Variants in PCARE observed in about 807,000 individuals in gnomAD.
The protein encoded by PCARE is uncharacterized protein C2orf71.
A neutral mutation model predicts 82.2 loss-of-function variants in PCARE; 72 were observed. That is an observed-to-expected ratio of 0.88 (90% CI 0.72 to 1.07). PCARE has a LOEUF of 1.07. Among genes scored for constraint, PCARE ranks in the 50% least tolerant of loss-of-function variants. PCARE has a pLI of 0.00. For missense variants in PCARE, 1,768 were observed against 1,592.4 expected (o/e 1.11, Z -1.88); for synonymous variants, 705 against 634.8 (o/e 1.11, Z -1.66).
Position 29,071,524 on chromosome 2 carries a change from C to T in PCARE, c.2738G>A (p.Ser913Asn). 1 of 1,608,372 alleles carries T rather than the reference C, an allele frequency of 6.2e-7. No homozygotes were observed. The change falls in exon 1 of 2, where the codon AGC (serine) becomes AAC (asparagine). Residue 913 changes from serine to asparagine, a missense_variant. Ser to Asn is a conservative substitution (Grantham distance 46). Transcript: ENST00000331664. ...PHSTGPGSGRSSCQPRKPALD... is the reference protein window; with the variant it reads ...PHSTGPGSGRNSCQPRKPALD... ...GGCTGGCTTCCTGGGCTGGCAGCTG[C>T]TCCTGCCACTCCCTGGCCCTGTGCT...
rs1667362705 is a variant in PCARE, at chr2:29,064,560, G to A, written c.*309C>T. The A allele has an allele frequency of 3.8e-6, 2 of 530,014 alleles. No homozygotes were observed. Among genetic ancestry groups the A allele is most frequent in the Non-Finnish European group, 6.8e-6 (2 of 293,560 alleles). The allele number at this position is 530,014 out of a possible 1,614,324, so 32.8% of individuals were successfully genotyped here. ...ACCCAGTTAAAACCCTATCAAGCAT[G>A]CAACTATACATTCTCCACCCCCCAC... On this transcript the variant is annotated 3_prime_UTR_variant, in exon 2 of 2. Transcript: ENST00000331664.
Position 29,073,877 on chromosome 2 carries a change from A to C in PCARE, c.385T>G (p.Phe129Val), listed in dbSNP as rs201413296. ...CTTTCCTCACTCTCATCTCCAGAAA[A>C]GTCTGCCCCTTGTGATCCATGGGAA... ...QGSHGSQGAD[F>V]SGDESEESST... is the part of the protein sequence containing the mutation. The change falls in exon 1 of 2, where the codon TTT (phenylalanine) becomes GTT (valine). Residue 129 changes from phenylalanine to valine, a missense_variant. By Grantham distance (50) the Phe-to-Val change is conservative (BLOSUM62 -1). Transcript: ENST00000331664. 60 of 1,614,202 alleles carry C rather than the reference A, an allele frequency of 3.7e-5. No individual in the cohort carries two copies. The African/African-American group carries it at 7.9e-4, about 21-fold the overall frequency.
intron 1 of PCARE, among the ~76,000 whole-genome samples, chr2:29,065,389 G>A (rs1388998782): frequency 6.6e-6 from 1 of 152,202 alleles, no homozygotes; most frequent in Admixed American, 6.5e-5. Context: ...TTTTGTTTTT[G>A]TTTTTAAAGC....
At position 29,073,240 on chromosome 2, in the gene PCARE, T is replaced by C. The variant is rs770192865; in HGVS notation, c.1022A>G (p.Gln341Arg). The C allele has an allele frequency of 6.2e-7, 1 of 1,614,002 alleles. No homozygotes were observed. The highest frequency in any genetic ancestry group is 8.5e-7 in the Non-Finnish European group (1 of 1,179,924). The change falls in exon 1 of 2, where the codon CAG becomes CGG. Residue 341 changes from glutamine to arginine, a missense_variant. By Grantham distance (43) the Gln-to-Arg change is conservative (BLOSUM62 1). Transcript: ENST00000331664. ...GTCCTCAGAGCATAAGGGGAGACCC[T>C]GCACCCCAGGGTCGCCACAGCCACT... ...LASGCGDPGVQGLPLCSEDSG... is the reference protein window; with the variant it reads ...LASGCGDPGVRGLPLCSEDSG...
intron 1 of PCARE, 64 bp from the exon 2 acceptor site, chr2:29,065,131 C>T (rs1373542291): frequency 2.0e-6 from 3 of 1,504,398 alleles, no homozygotes; most frequent in East Asian, 4.9e-5. Flanking sequence ...CCTGCCCCAC[C>T]CCTGTCCTCC....
chr2:29,073,099 G>C lies in PCARE; in HGVS notation c.1163C>G (p.Thr388Arg), dbSNP rs762203916. Residue 388 changes from threonine (T) to arginine (R), a missense_variant, in exon 1 of 2, where the codon ACA becomes AGA. Thr to Arg is a moderately conservative substitution (Grantham distance 71). Transcript: ENST00000331664. ...EEWKSVTSPH[T>R]EARQSGHTWQ... ...GGTGTGTCCTGACTGCCTGGCCTCTGTGTGGGGTGAAGTCACCGACTTCCA... is the reference window on the plus strand; with the variant it reads ...GGTGTGTCCTGACTGCCTGGCCTCTCTGTGGGGTGAAGTCACCGACTTCCA... 6.2e-7 allele frequency: 1 copy of C among 1,614,046 alleles called. No individual in the cohort carries two copies. The highest frequency in any genetic ancestry group is 1.3e-5 in the African/African-American group (1 of 74,932).
chr2:29,069,053 G>A (rs1667432701), intron 1 of PCARE, among the ~76,000 whole-genome samples: 1 of 152,164 alleles, frequency 6.6e-6, no homozygotes, highest in Non-Finnish European at 1.5e-5. Flanking sequence ...TGAATGCAGG[G>A]TGGAGAGCCC....
chr2:29,062,269 G>A lies in PCARE; in HGVS notation c.*2600C>T, dbSNP rs1035402731. 2 of 152,282 alleles carry A rather than the reference G, an allele frequency of 1.3e-5. No homozygotes were observed. The highest frequency in any genetic ancestry group is 4.8e-5 in the African/African-American group (2 of 41,436). The allele number at this position is 152,282 out of a possible 1,614,324, so 9.4% of individuals were successfully genotyped here. ...TGCCTGGGTCTGGTGGCAGCTGGGG[G>A]CTTTTATGACATCGTGTGTGGGGAC... On this transcript the variant is annotated 3_prime_UTR_variant, in exon 2 of 2. Coordinates refer to ENST00000331664, the MANE Select transcript of PCARE (RefSeq NM_001029883.3).
intron 1 of PCARE, among the ~76,000 whole-genome samples, chr2:29,066,599 A>T (rs944439697): frequency 6.6e-6 from 1 of 152,246 alleles, no homozygotes; most frequent in African/African-American, 2.4e-5. Flanking sequence ...AACAAGATCG[A>T]GGTGGGTGGT....
intron 1 of PCARE, among the ~76,000 whole-genome samples, chr2:29,066,412 A>G (rs761351232): frequency 3.3e-5 from 5 of 152,196 alleles, no homozygotes; most frequent in Admixed American, 6.5e-5. Context: ...CAGTTGCCTC[A>G]GGGCCAGGAC....
In PCARE at chr2:29,071,208, A is replaced by G. The variant is rs781709711; in HGVS notation, c.3054T>C (p.Pro1018=). 3.7e-6 allele frequency: 6 copies of G among 1,603,708 alleles called. No individual in the cohort carries two copies. The highest frequency in any genetic ancestry group is 5.1e-6 in the Non-Finnish European group (6 of 1,174,820). Reference sequence around the variant, plus strand: ...GCACAGCAGAGGGGCTTGGCTGGGCAGGTCTGTAAGAGGAGGGAAGGCTCC... The same window carrying G: ...GCACAGCAGAGGGGCTTGGCTGGGCGGGTCTGTAAGAGGAGGGAAGGCTCC... ...RRRSLPSSYR[P]AQPSPSAVQT... The change falls in exon 1 of 2, where the codon CCT becomes CCC. Residue 1018 remains proline, a synonymous_variant. Transcript: ENST00000331664.
In PCARE at chr2:29,063,436, G is replaced by A. The variant is rs1294397743; in HGVS notation, c.*1433C>T. ...GTGCCTTTGAATAATAATTGGACAA[G>A]TCAAGGTGGGATTCATTTACTCAGA... is the stretch of plus-strand genomic sequence containing the variant. On this transcript the variant is annotated 3_prime_UTR_variant, in exon 2 of 2. Coordinates refer to ENST00000331664, the MANE Select transcript of PCARE (RefSeq NM_001029883.3). 1.3e-5 allele frequency: 2 copies of A among 152,606 alleles called. No individual in the cohort carries two copies. Among genetic ancestry groups the A allele is most frequent in the African/African-American group, 4.8e-5 (2 of 41,452 alleles). 9.5% of individuals were successfully genotyped at this position (152,606 alleles called of 1,614,324 possible). A position where few individuals can be genotyped will look rare whatever the true frequency, so the allele number is the denominator to read the frequency against.
chr2:29,074,390 G>T lies in PCARE; in HGVS notation c.-129C>A. 1.0e-6 allele frequency: 1 copy of T among 956,608 alleles called. No individual in the cohort carries two copies. The highest frequency in any genetic ancestry group is 1.5e-6 in the Non-Finnish European group (1 of 662,650). 59.3% of individuals were successfully genotyped at this position (956,608 alleles called of 1,614,324 possible). On this transcript the variant is annotated 5_prime_UTR_variant, in exon 1 of 2. Coordinates refer to ENST00000331664, the MANE Select transcript of PCARE (RefSeq NM_001029883.3). ...CAGGCCAGAATTCTTTGAAGTCCAT[G>T]GTACAATATCCTAAACTTGGAACCA...
chr2:29,065,979 T>A (rs1667384463), intron 1 of PCARE, among the ~76,000 whole-genome samples: 2 of 152,120 alleles, frequency 1.3e-5, no homozygotes, highest in Admixed American at 6.5e-5. Flanking sequence ...AAACCCCATC[T>A]CTACTAAAAA....
Position 29,064,907 on chromosome 2 carries a change from G to C in PCARE, c.3829C>G (p.Gln1277Glu). ...PRTGHIQDKSQPEAQPQQEEV... is the reference protein window; with the variant it reads ...PRTGHIQDKSEPEAQPQQEEV... ...TCTTGCTGGGGCTGCGCCTCTGGCT[G>C]GGATTTGTCCTGGATGTGGCCGGTC... Residue 1277 changes from glutamine to glutamate, a missense_variant, in exon 2 of 2, where the codon CAG (glutamine) becomes GAG (glutamate). Transcript: ENST00000331664. 3 of 1,612,008 alleles carry C rather than the reference G, an allele frequency of 1.9e-6. No individual in the cohort carries two copies. The highest frequency in any genetic ancestry group is 2.5e-6 in the Non-Finnish European group (3 of 1,179,928).
At position 29,064,769 on chromosome 2, in the gene PCARE, G is replaced by A. The variant is rs575733098; in HGVS notation, c.*100C>T. 18 of 1,490,062 alleles carry A rather than the reference G, an allele frequency of 1.2e-5. No individual in the cohort carries two copies. In the Admixed American group the frequency reaches 1.4e-4, roughly 12 times the overall value. 92.3% of individuals were successfully genotyped at this position (1,490,062 alleles called of 1,614,324 possible). A position where few individuals can be genotyped will look rare whatever the true frequency, so the allele number is the denominator to read the frequency against. On this transcript the variant is annotated 3_prime_UTR_variant, in exon 2 of 2. Transcript: ENST00000331664. ...AGGCCTTTCCAGGACACCTCAGTAG[G>A]AGTTTGGTTTGCCCATCATCTCTGG...
At position 29,070,732 on chromosome 2, in the gene PCARE, C is replaced by T. The variant is rs375826049; in HGVS notation, c.3530G>A (p.Arg1177Gln). The stretch of plus-strand genomic sequence containing the variant: ...GTTGAGGGCACACAGAGCTGCTCTC[C>T]GCTGCGAGTCTGCTCTCAGCCAAGG... ...SGPWLRADSQ[R>Q]RAALCALNPL... The change falls in exon 1 of 2, where the codon CGG becomes CAG. Residue 1177 changes from arginine (R) to glutamine (Q), a missense_variant. Coordinates refer to ENST00000331664, the MANE Select transcript of PCARE (RefSeq NM_001029883.3). 63 of 1,613,992 alleles carry T rather than the reference C, an allele frequency of 3.9e-5. No individual in the cohort carries two copies. The highest frequency in any genetic ancestry group is 1.6e-4 in the Middle Eastern group (1 of 6,084).
At position 29,071,826 on chromosome 2, in the gene PCARE, T is replaced by G. The variant is rs774085699; in HGVS notation, c.2436A>C (p.Glu812Asp). The G allele has an allele frequency of 6.2e-7, 1 of 1,614,114 alleles. No homozygotes were observed. The highest frequency in any genetic ancestry group is 8.5e-7 in the Non-Finnish European group (1 of 1,180,032). ...AGCTGAGCTCCTCACTCTTGGCTGC[T>G]TCTGCTTTAGGCAGAGGGGGAAAGA... ...APIFPPLPKA[E>D]AAKSEELSCE... is the part of the protein sequence containing the mutation. The change falls in exon 1 of 2, where the codon GAA (glutamate) becomes GAC (aspartate). Residue 812 changes from glutamate to aspartate, a missense_variant. Physicochemically the swap from Glu to Asp is conservative, Grantham distance 45. Coordinates refer to ENST00000331664, the MANE Select transcript of PCARE (RefSeq NM_001029883.3).
chr2:29,067,657 G>T (rs943563317), intron 1 of PCARE, among the ~76,000 whole-genome samples: 1 of 152,168 alleles, frequency 6.6e-6, no homozygotes, highest in Non-Finnish European at 1.5e-5. Flanking sequence ...CAATTCTTGT[G>T]CCTCAGCCTC....
Sources: gnomAD v4.1 joint callset for allele counts (sites outside exome capture counted in the v4.1 genomes callset) on GRCh38, gnomAD v4.1.1 for gene constraint, MANE v1.5 for transcripts, NCBI Gene and HGNC (gene_info 2026-07-23, HGNC 2026-07-21) for gene names.